The following SSBP2 variants were observed in gnomAD, a reference collection of about 807,000 sequenced individuals.
The protein encoded by SSBP2 is single-stranded DNA-binding protein 2.
Under a neutral mutation model 61.8 loss-of-function variants are expected in SSBP2, and 17 were observed. The ratio of observed to expected loss-of-function variants is 0.28; its 90% CI spans 0.19 to 0.41. The LOEUF (loss-of-function observed/expected upper bound fraction) is 0.41, where lower values mean the gene tolerates loss of function less well. Among genes scored for constraint, SSBP2 ranks in the 10% least tolerant of loss-of-function variants. SSBP2 has a pLI of 1.00. For synonymous variants in SSBP2, 139 were observed against 141.3 expected, an observed-to-expected ratio of 0.98 and a Z score of 0.12; for missense variants, 310 against 458.7, an observed-to-expected ratio of 0.68 and a Z score of 2.96.
chr5:81,434,961 T>C (rs780757172), intron 15 of SSBP2, among the ~76,000 whole-genome samples: 1 of 152,116 alleles, frequency 6.6e-6, no homozygotes, highest in Non-Finnish European at 1.5e-5. Flanking sequence ...ATGCTACTGA[T>C]GCTCTTAAGA....
At chr5:81,467,471 C>T (rs2154012477) in intron 8 of SSBP2, among the ~76,000 whole-genome samples, 1 of 151,866 alleles carries the variant, frequency 6.6e-6, no homozygotes, top group South Asian at 2.1e-4. Context: ...CAGGTGAACC[C>T]AACACAAGAA....
chr5:81,452,085 AAAAC>A (rs1763815564), intron 10 of SSBP2, among the ~76,000 whole-genome samples: 1 of 152,236 alleles, frequency 6.6e-6, no homozygotes, highest in African/African-American at 2.4e-5. Flanking sequence ...ACTGCTATAA[AAAAC>A]AAAGAAAGAA....
intron 5 of SSBP2, among the ~76,000 whole-genome samples, chr5:81,499,437 T>C (rs765581022): frequency 6.6e-6 from 1 of 152,174 alleles, no homozygotes; most frequent in African/African-American, 2.4e-5. Flanking sequence ...TGGATAAAGG[T>C]GTGTAGCAAC....
intron 16 of SSBP2, among the ~76,000 whole-genome samples, chr5:81,421,650 G>T (rs1216670788): frequency 1.3e-5 from 2 of 152,178 alleles, no homozygotes; most frequent in East Asian, 3.8e-4. Flanking sequence ...GAGAAATAAA[G>T]AGCAACTATT....
Position 81,416,719 on chromosome 5 carries a change from T to A in SSBP2, c.*3785A>T, listed in dbSNP as rs915298866. On this transcript the variant is annotated 3_prime_UTR_variant, in exon 17 of 17. Transcript: ENST00000320672. Reference sequence around the variant, plus strand: ...GTGCTAACTGAATAACCCTATGAAATGCAATGGAGTTCAGATATCTTAGAG... The same window carrying A: ...GTGCTAACTGAATAACCCTATGAAAAGCAATGGAGTTCAGATATCTTAGAG... The A allele has an allele frequency of 6.6e-6, 1 of 152,158 alleles. No homozygotes were observed. The highest frequency in any genetic ancestry group is 1.5e-5 in the Non-Finnish European group (1 of 68,018). The allele number at this position is 152,158 out of a possible 1,614,324, so 9.4% of individuals were successfully genotyped here.
At chr5:81,712,728 G>GTTT (rs34642922) in intron 1 of SSBP2, among the ~76,000 whole-genome samples, 15 of 142,258 alleles carry the variant, frequency 1.1e-4, no homozygotes, top group African/African-American at 1.3e-4. Context: ...TTGTTTCTTT[G>GTTT]TTTTTTTTTT....
At chr5:81,513,564 C>G in intron 5 of SSBP2, 64 bp downstream of exon 5, 6 of 1,010,196 alleles carry the variant, frequency 5.9e-6, no homozygotes, top group Non-Finnish European at 9.2e-6. Context: ...TCCTTCGTAT[C>G]TTTAATAAAA....
chr5:81,423,677 G>A (rs1441989033), intron 16 of SSBP2, among the ~76,000 whole-genome samples: 4 of 151,910 alleles, frequency 2.6e-5, no homozygotes, highest in Non-Finnish European at 5.9e-5. Context: ...CCCAGGAGGC[G>A]GAGGTTGCAG....
intron 4 of SSBP2, among the ~76,000 whole-genome samples, chr5:81,559,384 CAA>C (rs36034616): frequency 8.0e-4 from 77 of 95,952 alleles, no homozygotes; most frequent in African/African-American, 2.3e-3. Context: ...GAGATTTCAT[CAA>C]AAAAAAAAAA....
chr5:81,594,066 C>G (rs1212344688), intron 4 of SSBP2, among the ~76,000 whole-genome samples: 11 of 150,462 alleles, frequency 7.3e-5, no homozygotes, highest in Non-Finnish European at 1.3e-4. Flanking sequence ...AAAGAGTCAA[C>G]ACCCATCAGT....
chr5:81,748,739 C>T (rs1757515452), intron 1 of SSBP2, among the ~76,000 whole-genome samples: 1 of 152,154 alleles, frequency 6.6e-6, no homozygotes, highest in African/African-American at 2.4e-5. Flanking sequence ...CTAGCAGAAC[C>T]CTGATCTGCT....
At chr5:81,580,403 TCAACTCAACCAAATGA>T (rs1221029898) in intron 4 of SSBP2, among the ~76,000 whole-genome samples, 1 of 151,978 alleles carries the variant, frequency 6.6e-6, no homozygotes, top group Non-Finnish European at 1.5e-5. Context: ...AACTCCAAAT[TCAACTCAACCAAATGA>T]CAACTCAGCC....
chr5:81,733,465 C>T (rs1259424651), intron 1 of SSBP2, among the ~76,000 whole-genome samples: 2 of 151,910 alleles, frequency 1.3e-5, no homozygotes, highest in African/African-American at 4.8e-5. Context: ...CCATTATAGC[C>T]ACACAGACGG....
intron 4 of SSBP2, among the ~76,000 whole-genome samples, chr5:81,573,016 A>T (rs1209028008): frequency 6.6e-6 from 1 of 152,230 alleles, no homozygotes; most frequent in Non-Finnish European, 1.5e-5. Flanking sequence ...TACTTTAAAA[A>T]GATATTGAAA....
intron 1 of SSBP2, among the ~76,000 whole-genome samples, chr5:81,663,646 T>C (rs1054697660): frequency 6.6e-6 from 1 of 151,934 alleles, no homozygotes; most frequent in Non-Finnish European, 1.5e-5. Flanking sequence ...GCCTATACAA[T>C]GAGAAATCTA....
At chr5:81,453,775 C>T (rs896676670) in intron 10 of SSBP2, among the ~76,000 whole-genome samples, 2 of 151,948 alleles carry the variant, frequency 1.3e-5, no homozygotes, top group African/African-American at 4.8e-5. Context: ...TTCTTGAAGG[C>T]TGTCAGGCTT....
At chr5:81,748,928 T>C (rs1757526067) in intron 1 of SSBP2, among the ~76,000 whole-genome samples, 1 of 152,134 alleles carries the variant, frequency 6.6e-6, no homozygotes, top group African/African-American at 2.4e-5. Context: ...GTCCTCAGGA[T>C]ACTGAGTGGG....
chr5:81,696,688 AC>A (rs1260468969), intron 1 of SSBP2, among the ~76,000 whole-genome samples: 3 of 152,214 alleles, frequency 2.0e-5, no homozygotes, highest in Admixed American at 1.3e-4. Flanking sequence ...TGTTCCCTGT[AC>A]CAAACAAGCT....
At chr5:81,697,420 T>C (rs894564290) in intron 1 of SSBP2, among the ~76,000 whole-genome samples, 2 of 152,222 alleles carry the variant, frequency 1.3e-5, no homozygotes, top group Non-Finnish European at 2.9e-5. Context: ...TTCTTAAGTA[T>C]GCTTTTATCG....
Sources: gnomAD v4.1 joint callset for allele counts (sites outside exome capture counted in the v4.1 genomes callset) on GRCh38, gnomAD v4.1.1 for gene constraint, MANE v1.5 for transcripts, NCBI Gene and HGNC (gene_info 2026-07-23, HGNC 2026-07-21) for gene names.